The following COL17A1 variants were observed in gnomAD, a reference collection of about 807,000 sequenced individuals.
COL17A1 encodes collagen type XVII alpha 1 chain.
Under a neutral mutation model 218.4 loss-of-function variants are expected in COL17A1, and 181 were observed. The observed-to-expected ratio is 0.83, with a 90% CI of 0.73 to 0.94. The LOEUF (loss-of-function observed/expected upper bound fraction) is 0.94, where lower values mean the gene tolerates loss of function less well. Ranked by LOEUF, COL17A1 falls within the 40% of genes least tolerant of loss-of-function variation. COL17A1 has a pLI of 0.00. For missense variants in COL17A1, 1,924 were observed against 1,945.9 expected (o/e 0.99, Z 0.21); for synonymous variants, 721 against 731.0 (o/e 0.99, Z 0.22).
Position 104,050,100 on chromosome 10 carries a change from C to A in COL17A1, c.2153G>T (p.Arg718Leu), listed in dbSNP as rs145059336. The part of the protein sequence containing the change: ...PKGDQGEKGP[R>L]GLTGEPGMRG... ...CATGACAGACTGACCTGTGAGGCCT[C>A]GAGGTCCTTTCTCACCCTGGTCACC... Residue 718 changes from arginine to leucine, a missense_variant, in exon 28 of 56, where the codon CGA (arginine) becomes CTA (leucine). By Grantham distance (102) the Arg-to-Leu change is moderately radical. Coordinates refer to ENST00000648076, the MANE Select transcript of COL17A1 (RefSeq NM_000494.4). 2 of 1,613,956 alleles carry A rather than the reference C, an allele frequency of 1.2e-6. No homozygotes were observed. The highest frequency in any genetic ancestry group is 2.7e-5 in the African/African-American group (2 of 74,900).
At chr10:104,065,160 G>A (rs77840595) in intron 9 of COL17A1, among the ~76,000 whole-genome samples, 15,351 of 152,238 alleles carry the variant, frequency 0.1, 799 homozygotes, top group Middle Eastern at 0.18. Context: ...GCCCCCAAGA[G>A]AGGATTTTCC....
In COL17A1 at chr10:104,034,081, G is replaced by A. The variant is rs759762592; in HGVS notation, c.4020C>T (p.Asp1340=). ...CCCCATAGCCTCCGCCTGGGCCGAT[G>A]TCAGTGCCATAGGGACCCCTGTCTC... ...AAGDRGPYGT[D]IGPGGGYGAA... is the part of the protein sequence containing the mutation. The change falls in exon 52 of 56, where the codon GAC becomes GAT. Residue 1340 remains aspartate (D), a synonymous_variant. Transcript: ENST00000648076. 35 of 1,614,004 alleles carry A rather than the reference G, an allele frequency of 2.2e-5. No individual in the cohort carries two copies. The Admixed American group carries it at 5.8e-4, about 27-fold the overall frequency.
At chr10:104,080,742 AG>A in intron 1 of COL17A1, 58 bp from the exon 2 acceptor site, 1 of 1,562,152 alleles carries the variant, frequency 6.4e-7, no homozygotes, top group South Asian at 1.1e-5. Context: ...TAGTAATTAT[AG>A]GTCCCCACTG....
chr10:104,033,673 A>C (rs1183278910), intron 52 of COL17A1, among the ~76,000 whole-genome samples: 4 of 152,238 alleles, frequency 2.6e-5, no homozygotes, highest in Non-Finnish European at 5.9e-5. Flanking sequence ...CAGCATGGTC[A>C]TATGACTCAT....
rs967662637 is a variant in COL17A1 at position 104,070,341 on chromosome 10, C to T, written c.607+85G>A. ...AATTTCAAGTCTCACTTTCACTGTT[C>T]TCTGGGTCTCTGAGTCCACTCTTTG... On this transcript the variant is annotated intron_variant, in intron 9 of 55. Coordinates refer to ENST00000648076, the MANE Select transcript of COL17A1 (RefSeq NM_000494.4). The T allele has an allele frequency of 8.8e-6, 14 of 1,589,970 alleles. No individual in the cohort carries two copies. The African/African-American group carries it at 9.4e-5, about 11-fold the overall frequency.
intron 13 of COL17A1, 84 bp from the exon 14 acceptor site, chr10:104,060,364 A>T (rs2086572282): frequency 1.3e-6 from 2 of 1,573,102 alleles, no homozygotes; most frequent in Non-Finnish European, 1.7e-6. Flanking sequence ...AGGAAGGAGA[A>T]GAAAGAGAAG....
chr10:104,059,149 A>C (rs2086558648), intron 15 of COL17A1, among the ~76,000 whole-genome samples: 1 of 152,186 alleles, frequency 6.6e-6, no homozygotes, highest in Non-Finnish European at 1.5e-5. Flanking sequence ...AACTGATTTG[A>C]TTGGCATTCA....
chr10:104,064,280 G>A (rs747111626), intron 10 of COL17A1, among the ~76,000 whole-genome samples, 158 bp downstream of exon 10: 6 of 152,188 alleles, frequency 3.9e-5, no homozygotes, highest in Non-Finnish European at 8.8e-5. Flanking sequence ...AGATTGAATT[G>A]AACTGAAGTT....
At chr10:104,038,358 G>A in intron 45 of COL17A1, 48 bp downstream of exon 45, 1 of 1,611,746 alleles carries the variant, frequency 6.2e-7, no homozygotes. Context: ...CAAAGAGACT[G>A]TATCTCCATG....
chr10:104,045,674 G>C, intron 33 of COL17A1, 84 bp downstream of exon 33: 1 of 1,158,184 alleles, frequency 8.6e-7, no homozygotes, highest in Non-Finnish European at 1.3e-6. Flanking sequence ...GCTCTGGCCA[G>C]AGAGAGGCCT....
chr10:104,050,916 A>C lies in COL17A1; in HGVS notation c.2039-15T>G. On this transcript the variant is annotated splice_polypyrimidine_tract_variant and intron_variant, in intron 25 of 55. Transcript: ENST00000648076. ...ACCTACAGGACCTGCCCGGCAGAAG[A>C]AACCATGCACACAGATGAGTATCCC... The C allele has an allele frequency of 6.2e-7, 1 of 1,614,194 alleles. No homozygotes were observed. The highest frequency in any genetic ancestry group is 8.5e-7 in the Non-Finnish European group (1 of 1,180,042).
At chr10:104,052,605 A>G (rs796774506) in intron 23 of COL17A1, among the ~76,000 whole-genome samples, 2 of 152,268 alleles carry the variant, frequency 1.3e-5, no homozygotes, top group African/African-American at 4.8e-5. Flanking sequence ...CAGCCTCTCC[A>G]GCACTGAACC....
chr10:104,045,667 C>T (rs1564675428), intron 33 of COL17A1, 91 bp downstream of exon 33: 1 of 1,086,102 alleles, frequency 9.2e-7, no homozygotes, highest in East Asian at 2.4e-5. Flanking sequence ...GATCCAGGCT[C>T]TGGCCAGAGA....
At chr10:104,057,765 C>T (rs1240260926) in intron 16 of COL17A1, among the ~76,000 whole-genome samples, 7 of 152,008 alleles carry the variant, frequency 4.6e-5, no homozygotes, top group South Asian at 4.1e-4. Flanking sequence ...TATCACACGG[C>T]GGTGGAAGGA....
At position 104,038,966 on chromosome 10, in the gene COL17A1, C is replaced by G; in HGVS notation, c.2947+105G>C. ...CATGGAGAAGACAGCCAATCAACAA[C>G]GAATCATGGAGAAATGAATGAACGA... On this transcript the variant is annotated intron_variant, in intron 44 of 55. Coordinates refer to ENST00000648076, the MANE Select transcript of COL17A1 (RefSeq NM_000494.4). 4.7e-6 allele frequency: 6 copies of G among 1,289,850 alleles called. No homozygotes were observed. In the South Asian group the frequency reaches 5.9e-5, roughly 13 times the overall value. 79.9% of individuals were successfully genotyped at this position (1,289,850 alleles called of 1,614,324 possible). A position where few individuals can be genotyped will look rare whatever the true frequency, so the allele number is the denominator to read the frequency against.
At chr10:104,076,848 G>A (rs141731775) in intron 4 of COL17A1, among the ~76,000 whole-genome samples, 1,902 of 152,206 alleles carry the variant, frequency 0.012, 21 homozygotes, top group Middle Eastern at 0.031. Flanking sequence ...GGTGCTTCTT[G>A]TTTTTGTTTT....
intron 9 of COL17A1, among the ~76,000 whole-genome samples, chr10:104,067,005 T>G (rs2086631769): frequency 6.6e-6 from 1 of 152,170 alleles, no homozygotes; most frequent in Admixed American, 6.5e-5. Context: ...AGGACCCAAT[T>G]TTTGTACTTG....
rs753489715 is a variant in COL17A1 at position 104,049,443 on chromosome 10, A to T, written c.2193T>A (p.Gly731=). The T allele has an allele frequency of 6.2e-7, 1 of 1,614,212 alleles. No individual in the cohort carries two copies. The highest frequency in any genetic ancestry group is 8.5e-7 in the Non-Finnish European group (1 of 1,180,018). Residue 731 remains glycine, a synonymous_variant, in exon 29 of 56, where the codon GGT becomes GGA. Coordinates refer to ENST00000648076, the MANE Select transcript of COL17A1 (RefSeq NM_000494.4). ...CTTTAGCCCCGGGCTCACCAACAGC[A>T]CCAGGCAAACCTCTCATGCCAGGCT... ...TGEPGMRGLP[G]AVGEPGAKGA... is the part of the protein sequence containing the mutation.
At chr10:104,033,478 A>G in intron 52 of COL17A1, 103 bp from the exon 53 acceptor site, 1 of 1,394,184 alleles carries the variant, frequency 7.2e-7, no homozygotes, top group South Asian at 1.2e-5. Flanking sequence ...AAGCAGTTGA[A>G]CTAGATCAAG....
Sources: allele counts gnomAD v4.1 joint callset (sites outside exome capture counted in the v4.1 genomes callset), GRCh38; gene constraint gnomAD v4.1.1; transcripts MANE v1.5; gene names NCBI Gene and HGNC (gene_info 2026-07-23, HGNC 2026-07-21).